CDCP1: variants seen among roughly 807,000 people sequenced by gnomAD.
CDCP1 encodes the protein CUB domain-containing protein 1.
CDCP1 carries 29 observed loss-of-function variants against 60.2 expected under a neutral mutation model. That is an observed-to-expected ratio of 0.48 (90% confidence interval 0.36 to 0.66). The LOEUF (loss-of-function observed/expected upper bound fraction) is 0.66, where lower values mean the gene tolerates loss of function less well. Ranked by LOEUF, CDCP1 falls within the 30% of genes least tolerant of loss-of-function variation. The pLI is 0.00. For missense variants in CDCP1, 876 were observed against 1,074.3 expected (o/e 0.82, Z 2.58); for synonymous variants, 387 against 431.1 (o/e 0.90, Z 1.27).
In CDCP1 at chr3:45,126,106, CTCTCTTTCTTTCTTTCTT is replaced by C. The variant is rs775839141; in HGVS notation, c.83-7503_83-7486del. Among the ~76,000 whole-genome samples the C allele has an allele frequency of 3.0e-3, 447 of 149,858 alleles. 1 individual carries two copies. Among genetic ancestry groups the C allele is most frequent in the Middle Eastern group, 6.8e-3 (2 of 294 alleles). ...GCAACTGCTGCCATTCTTTGTCTCT[CTCTCTTTCTTTCTTTCTT>C]TCTTTCTTTCTTTCTTTCTTTCTTT... is the stretch of plus-strand genomic sequence containing the variant. On this transcript the variant is annotated intron_variant, in intron 1 of 8. Transcript: ENST00000296129.
rs530876742 is a variant in CDCP1 at position 45,106,835 on chromosome 3, T to C, written c.1024+3638A>G. On this transcript the variant is annotated intron_variant, in intron 4 of 8. Coordinates refer to ENST00000296129, the MANE Select transcript of CDCP1 (RefSeq NM_022842.5). Reference sequence around the variant, plus strand: ...GGGGGAAACTAGCCCCAGGAGATTTTCCTCTAGCACTCACAGGAGAAGCAA... The same window carrying C: ...GGGGGAAACTAGCCCCAGGAGATTTCCCTCTAGCACTCACAGGAGAAGCAA... Among the ~76,000 whole-genome samples, 6 of 152,226 alleles carry C rather than the reference T, an allele frequency of 3.9e-5. No individual in the cohort carries two copies. The South Asian group carries it at 8.3e-4, about 21-fold the overall frequency.
intron 2 of CDCP1, among the ~76,000 whole-genome samples, chr3:45,113,711 G>A (rs185888743): frequency 2.6e-5 from 4 of 152,310 alleles, no homozygotes; most frequent in African/African-American, 4.8e-5. Context: ...ATCCCAGGAC[G>A]AAAGCTCAGG....
intron 5 of CDCP1, among the ~76,000 whole-genome samples, chr3:45,094,210 A>G (rs1698356329): frequency 1.4e-5 from 2 of 144,846 alleles, no homozygotes; most frequent in Admixed American, 1.4e-4. Context: ...CTGTTGGTTT[A>G]CTGGCCTTCA....
chr3:45,123,314 A>G lies in CDCP1; in HGVS notation c.83-4693T>C, dbSNP rs1698917972. On this transcript the variant is annotated intron_variant, in intron 1 of 8. Coordinates refer to ENST00000296129, the MANE Select transcript of CDCP1 (RefSeq NM_022842.5). ...GTTCTACTGTCCAGCTGTAGTTTGT[A>G]ACTATTCTTTGGTATACCAGACCAG... 2.0e-5 allele frequency among the ~76,000 whole-genome samples: 3 copies of G among 152,186 alleles called. No homozygotes were observed. The South Asian group carries it at 6.2e-4, about 32-fold the overall frequency.
chr3:45,112,770 T>C (rs1383987501), intron 2 of CDCP1, among the ~76,000 whole-genome samples: 1 of 152,248 alleles, frequency 6.6e-6, no homozygotes, highest in Non-Finnish European at 1.5e-5. Context: ...TTAAAAAGTC[T>C]GACCTCCTTG....
At chr3:45,101,886 C>CAAAA (rs34274441) in intron 4 of CDCP1, among the ~76,000 whole-genome samples, 5 of 110,702 alleles carry the variant, frequency 4.5e-5, no homozygotes, top group African/African-American at 1.8e-4. Context: ...AACTCCAGCT[C>CAAAA]AAAAAAAAAA....
At chr3:45,139,874 A>G (rs990402800) in intron 1 of CDCP1, among the ~76,000 whole-genome samples, 1 of 152,160 alleles carries the variant, frequency 6.6e-6, no homozygotes, top group African/African-American at 2.4e-5. Context: ...CCTGTGTCCA[A>G]GAGATGCCGT....
Position 45,112,337 on chromosome 3 carries a change from C to G in CDCP1, c.401G>C (p.Ser134Thr). 1.9e-6 allele frequency: 3 copies of G among 1,614,228 alleles called. No homozygotes were observed. The highest frequency in any genetic ancestry group is 2.2e-5 in the East Asian group (1 of 44,884). ...TFIWDVKAHKSIGLELQFSIP... is the reference protein window; with the variant it reads ...TFIWDVKAHKTIGLELQFSIP... ...GGAAAACTGCAGCTCTAAACCGATGCTCTTATGAGCTTTGACATCCCAGAT... is the reference window on the plus strand; with the variant it reads ...GGAAAACTGCAGCTCTAAACCGATGGTCTTATGAGCTTTGACATCCCAGAT... The change falls in exon 3 of 9, where the codon AGC becomes ACC. Residue 134 changes from serine to threonine, a missense_variant. Around this residue, in one of 2 missense-constraint regions of CDCP1, gnomAD observed 726 missense variants for 935.7 expected, o/e 0.78. Coordinates refer to ENST00000296129, the MANE Select transcript of CDCP1 (RefSeq NM_022842.5).
chr3:45,097,392 G>A (rs1294813275), intron 4 of CDCP1, among the ~76,000 whole-genome samples: 1 of 151,624 alleles, frequency 6.6e-6, no homozygotes, highest in Non-Finnish European at 1.5e-5. Context: ...TTACCAGATT[G>A]GTTTATAAAA....
chr3:45,094,880 A>G (rs1698368569), intron 5 of CDCP1, among the ~76,000 whole-genome samples: 1 of 151,530 alleles, frequency 6.6e-6, no homozygotes, highest in African/African-American at 2.4e-5. Flanking sequence ...GTCCAAAGGG[A>G]CGTGTTGACA....
rs137947404 is a variant in CDCP1 at position 45,085,395 on chromosome 3, G to A, written c.*243C>T. The stretch of plus-strand genomic sequence containing the variant: ...TCCTCTCATTACAGGCTGGCTAACC[G>A]CACAGCCTAAGTTGAGGAGCACATG... On this transcript the variant is annotated 3_prime_UTR_variant, in exon 9 of 9. Transcript: ENST00000296129. The surrounding 1 kb of genome is among the most constrained non-coding windows in gnomAD (Gnocchi z 4.2). 39 of 480,748 alleles carry A rather than the reference G, an allele frequency of 8.1e-5. No homozygotes were observed. The Admixed American group carries it at 9.5e-4, about 12-fold the overall frequency. The allele number at this position is 480,748 out of a possible 1,614,324, so 29.8% of individuals were successfully genotyped here.
intron 1 of CDCP1, among the ~76,000 whole-genome samples, chr3:45,126,203 T>TTTCA (rs1553611027): frequency 7.4e-6 from 1 of 134,364 alleles, no homozygotes; most frequent in Non-Finnish European, 1.6e-5. Flanking sequence ...TCTTTCTTTC[T>TTTCA]TTCCTTCCTT....
intron 2 of CDCP1, among the ~76,000 whole-genome samples, chr3:45,115,107 G>T (rs1005448174): frequency 6.6e-6 from 1 of 151,918 alleles, no homozygotes; most frequent in East Asian, 1.9e-4. Context: ...GTGTGGTGGT[G>T]TGTGCCCAGC....
chr3:45,143,270 T>C (rs771237112), intron 1 of CDCP1, among the ~76,000 whole-genome samples: 4 of 152,228 alleles, frequency 2.6e-5, no homozygotes, highest in Admixed American at 6.5e-5. Flanking sequence ...TACATCAAAA[T>C]GGGATAATCC....
chr3:45,095,420 A>G lies in CDCP1; in HGVS notation c.1173T>C (p.Ser391=). The change falls in exon 5 of 9, where the codon TCT becomes TCC. Residue 391 remains serine, a synonymous_variant. Coordinates refer to ENST00000296129, the MANE Select transcript of CDCP1 (RefSeq NM_022842.5). ...RTCSSNLTLT[S]GSKHKISFLC... is the part of the protein sequence containing the mutation. ...GGAAGGAGATTTTGTGTTTGGAGCC[A>G]GATGTCAGGGTGAGGTTGCTACTGC... is the stretch of plus-strand genomic sequence containing the variant. 1 of 1,614,214 alleles carries G rather than the reference A, an allele frequency of 6.2e-7. No individual in the cohort carries two copies. Among genetic ancestry groups the G allele is most frequent in the Non-Finnish European group, 8.5e-7 (1 of 1,180,022 alleles).
At chr3:45,139,925 A>C (rs1699255988) in intron 1 of CDCP1, among the ~76,000 whole-genome samples, 1 of 152,102 alleles carries the variant, frequency 6.6e-6, no homozygotes, top group South Asian at 2.1e-4. Context: ...CCACCTCTGC[A>C]TTCTCTGTGA....
At chr3:45,108,787 A>ATTTT (rs1559392558) in intron 4 of CDCP1, among the ~76,000 whole-genome samples, 3 of 34,746 alleles carry the variant, frequency 8.6e-5, no homozygotes, top group South Asian at 1.7e-3. Flanking sequence ...ATACATATAT[A>ATTTT]TGCATGTATA....
chr3:45,110,312 C>T, intron 4 of CDCP1, 161 bp downstream of exon 4: 1 of 1,442,502 alleles, frequency 6.9e-7, no homozygotes, highest in South Asian at 1.5e-5. Context: ...GCCTGTCTAA[C>T]TGCCTAGCAA....
chr3:45,134,195 G>A (rs1029067046), intron 1 of CDCP1, among the ~76,000 whole-genome samples: 1 of 150,428 alleles, frequency 6.6e-6, no homozygotes, highest in Non-Finnish European at 1.5e-5. Context: ...TGCGATCTAT[G>A]CTCACTGCAA....
Sources: gnomAD v4.1 joint callset for allele counts (sites outside exome capture counted in the v4.1 genomes callset) on GRCh38, gnomAD v4.1.1 for gene constraint, gnomAD v4.1.1 regional missense constraint, Gnocchi (gnomAD v3.1) non-coding constraint, MANE v1.5 for transcripts, NCBI Gene and HGNC (gene_info 2026-07-23, HGNC 2026-07-21) for gene names.